PPP2R2A: variants seen among roughly 807,000 people sequenced by gnomAD.
PPP2R2A encodes serine/threonine-protein phosphatase 2A 55 kDa regulatory subunit B alpha isoform.
A neutral mutation model predicts 53.2 loss-of-function variants in PPP2R2A; 9 were observed. That is an observed-to-expected ratio of 0.17 (90% CI 0.10 to 0.30). The LOEUF is 0.30. Among genes scored for constraint, PPP2R2A ranks in the 10% least tolerant of loss-of-function variants. PPP2R2A has a pLI of 1.00. For synonymous variants in PPP2R2A, 169 were observed against 174.2 expected (o/e 0.97, Z 0.23); for missense variants, 235 against 534.6 (o/e 0.44, Z 5.53).
At chr8:26,353,938 C>A (rs998889107) in intron 3 of PPP2R2A, among the ~76,000 whole-genome samples, 1 of 152,014 alleles carries the variant, frequency 6.6e-6, no homozygotes, top group African/African-American at 2.4e-5. Context: ...GGTATCCCTT[C>A]TTTTATAAGA....
At chr8:26,343,956 T>G (rs1804081087) in intron 3 of PPP2R2A, among the ~76,000 whole-genome samples, 2 of 152,198 alleles carry the variant, frequency 1.3e-5, no homozygotes, top group Non-Finnish European at 2.9e-5. Context: ...CTGGGTTCTG[T>G]CATTGGACCC....
intron 2 of PPP2R2A, among the ~76,000 whole-genome samples, chr8:26,322,269 A>T (rs1346826883): frequency 6.6e-6 from 1 of 152,216 alleles, no homozygotes; most frequent in Non-Finnish European, 1.5e-5. Context: ...TGGGAAAAAG[A>T]AGTTGAAAAT....
intron 2 of PPP2R2A, among the ~76,000 whole-genome samples, chr8:26,300,548 A>C (rs1487219693): frequency 6.6e-6 from 1 of 152,196 alleles, no homozygotes; most frequent in Non-Finnish European, 1.5e-5. Context: ...GTGCTTCCTC[A>C]GCAGACAGAA....
chr8:26,335,554 TTCA>T (rs1322253041), intron 2 of PPP2R2A, among the ~76,000 whole-genome samples: 1 of 152,188 alleles, frequency 6.6e-6, no homozygotes, highest in African/African-American at 2.4e-5. Flanking sequence ...CTCTACACTA[TTCA>T]GATAAAAAGT....
At chr8:26,297,788 C>A (rs1188504560) in intron 2 of PPP2R2A, among the ~76,000 whole-genome samples, 2 of 152,124 alleles carry the variant, frequency 1.3e-5, no homozygotes, top group East Asian at 1.9e-4. Flanking sequence ...ATTACTTGAA[C>A]CTTCATATTA....
chr8:26,346,144 AT>A (rs1229622962), intron 3 of PPP2R2A, among the ~76,000 whole-genome samples: 1 of 144,006 alleles, frequency 6.9e-6, no homozygotes, highest in Non-Finnish European at 1.5e-5. Context: ...TATTATTATT[AT>A]TATTTATTTT....
intron 2 of PPP2R2A, among the ~76,000 whole-genome samples, chr8:26,315,117 CT>C (rs1048327383): frequency 1.3e-5 from 2 of 152,116 alleles, no homozygotes; most frequent in African/African-American, 4.8e-5. Context: ...TTTTCATTTT[CT>C]AATCTGAGCA....
At chr8:26,346,181 C>T (rs1004128664) in intron 3 of PPP2R2A, among the ~76,000 whole-genome samples, 2 of 151,470 alleles carry the variant, frequency 1.3e-5, no homozygotes, top group South Asian at 4.2e-4. Flanking sequence ...CACTCTGTCA[C>T]CCTGGCTGGA....
intron 3 of PPP2R2A, among the ~76,000 whole-genome samples, chr8:26,344,823 T>G (rs1247969612): frequency 6.6e-6 from 1 of 152,166 alleles, no homozygotes; most frequent in Non-Finnish European, 1.5e-5. Flanking sequence ...TAACCATATT[T>G]CTTATACAGG....
At chr8:26,311,720 C>G (rs1234805582) in intron 2 of PPP2R2A, among the ~76,000 whole-genome samples, 1 of 152,138 alleles carries the variant, frequency 6.6e-6, no homozygotes, top group East Asian at 1.9e-4. Context: ...AACAGAAATT[C>G]AAGCTTCTTT....
intron 4 of PPP2R2A, chr8:26,359,153 C>G (rs1804947455): frequency 4.8e-6 from 1 of 207,386 alleles, no homozygotes; most frequent in Admixed American, 5.1e-5. Flanking sequence ...GCAAGCAAAT[C>G]CAGTTGAGGG....
intron 2 of PPP2R2A, among the ~76,000 whole-genome samples, chr8:26,334,536 G>A (rs942506953): frequency 6.6e-6 from 1 of 152,082 alleles, no homozygotes; most frequent in African/African-American, 2.4e-5. Flanking sequence ...ACAAGGTCAG[G>A]AGATTGAGAC....
At chr8:26,348,223 T>G (rs1804319132) in intron 3 of PPP2R2A, among the ~76,000 whole-genome samples, 1 of 152,232 alleles carries the variant, frequency 6.6e-6, no homozygotes, top group South Asian at 2.1e-4. Flanking sequence ...AATACATTTA[T>G]TATTTTCTTA....
At chr8:26,299,588 A>G (rs1417450162) in intron 2 of PPP2R2A, among the ~76,000 whole-genome samples, 1 of 152,238 alleles carries the variant, frequency 6.6e-6, no homozygotes, top group Non-Finnish European at 1.5e-5. Flanking sequence ...TATGCCCCAA[A>G]TAAGGACATA....
chr8:26,313,890 A>C (rs1376650636), intron 2 of PPP2R2A, among the ~76,000 whole-genome samples: 2 of 152,202 alleles, frequency 1.3e-5, no homozygotes, highest in African/African-American at 4.8e-5. Flanking sequence ...TAAGAGAAAA[A>C]AATTAATGGT....
chr8:26,292,988 T>G (rs1801375465), intron 1 of PPP2R2A: 1 of 411,646 alleles, frequency 2.4e-6, no homozygotes, highest in Non-Finnish European at 4.3e-6. Context: ...TGAAATGAGA[T>G]TAAAATTGTT....
intron 3 of PPP2R2A, among the ~76,000 whole-genome samples, 188 bp downstream of exon 3, chr8:26,339,175 G>A (rs74836461): frequency 3.3e-4 from 50 of 152,254 alleles, no homozygotes; most frequent in African/African-American, 9.9e-4. Context: ...GTACATGAGC[G>A]TATGTTGTTT....
In PPP2R2A at chr8:26,354,036, C is replaced by T. The variant is rs887673908; in HGVS notation, c.181-432C>T. ...CAATACATCATATTAAATAACAGAT[C>T]GGGGAGTTGACCCTAAAGTGGGCAT... is the stretch of plus-strand genomic sequence containing the variant. On this transcript the variant is annotated intron_variant, in intron 3 of 9. Coordinates refer to ENST00000380737, the MANE Select transcript of PPP2R2A (RefSeq NM_002717.4). The surrounding 1 kb of genome is among the most constrained non-coding windows in gnomAD (Gnocchi z 4.6). Among the ~76,000 whole-genome samples the T allele has an allele frequency of 7.9e-5, 12 of 152,028 alleles. No individual in the cohort carries two copies. Among genetic ancestry groups the T allele is most frequent in the Admixed American group, 5.9e-4 (9 of 15,268 alleles).
chr8:26,293,135 C>A, intron 1 of PPP2R2A: 1 of 1,157,256 alleles, frequency 8.6e-7, no homozygotes, highest in South Asian at 1.4e-5. Context: ...TCCTCTCTGT[C>A]TGGAGCCAGT....
Sources: gnomAD v4.1 joint callset for allele counts (sites outside exome capture counted in the v4.1 genomes callset) on GRCh38, gnomAD v4.1.1 for gene constraint, Gnocchi (gnomAD v3.1) non-coding constraint, MANE v1.5 for transcripts, NCBI Gene and HGNC (gene_info 2026-07-23, HGNC 2026-07-21) for gene names.